Variants in CREBBP observed in about 807,000 individuals in gnomAD.
The protein encoded by CREBBP is CREB binding lysine acetyltransferase.
Under a neutral mutation model 265.0 loss-of-function variants are expected in CREBBP, and 19 were observed. The observed-to-expected ratio is 0.07, with a 90% CI of 0.05 to 0.11. The LOEUF is 0.11. Ranked by LOEUF, CREBBP falls within the 10% of genes least tolerant of loss-of-function variation. The pLI, the probability that CREBBP is intolerant of heterozygous loss-of-function variation, is 1.00. For missense variants in CREBBP, 2,525 were observed against 3,219.0 expected, an observed-to-expected ratio of 0.78 and a Z score of 5.22; for synonymous variants, 1,457 against 1,223.7, an observed-to-expected ratio of 1.19 and a Z score of -3.98.
chr16:3,788,259 C>T (rs1567313910), intron 5 of CREBBP, among the ~76,000 whole-genome samples: 1 of 152,188 alleles, frequency 6.6e-6, no homozygotes, highest in African/African-American at 2.4e-5. Context: ...CCAAGGCATC[C>T]AGAGCAGTGC....
At chr16:3,839,643 T>C (rs1024301694) in intron 2 of CREBBP, among the ~76,000 whole-genome samples, 10 of 139,772 alleles carry the variant, frequency 7.2e-5, no homozygotes, top group Non-Finnish European at 1.2e-4. Context: ...GATCACGCCA[T>C]TGCACTCCCA....
intron 7 of CREBBP, 95 bp downstream of exon 7, chr16:3,781,109 T>C (rs759809058): frequency 2.2e-5 from 28 of 1,271,204 alleles, no homozygotes; most frequent in Non-Finnish European, 3.1e-5. Flanking sequence ...ATTTAAACTA[T>C]TTTCTCTGCC....
At chr16:3,826,463 G>A (rs1031826355) in intron 2 of CREBBP, among the ~76,000 whole-genome samples, 2 of 152,122 alleles carry the variant, frequency 1.3e-5, no homozygotes, top group African/African-American at 2.4e-5. Flanking sequence ...AAACCTGAGA[G>A]GCACGACCTC....
rs542923145 is a variant in CREBBP, at chr16:3,844,629, C to T, written c.798+5668G>A. ...ACAGGGATGCCTAAGAGCATAAACA[C>T]TGGCAAAAAATATTGGCAAGGAGAA... On this transcript the variant is annotated intron_variant, in intron 2 of 30. Coordinates refer to ENST00000262367, the MANE Select transcript of CREBBP (RefSeq NM_004380.3). Among the ~76,000 whole-genome samples, 4 of 152,220 alleles carry T rather than the reference C, an allele frequency of 2.6e-5. No individual in the cohort carries two copies. In the South Asian group the frequency reaches 6.2e-4, roughly 24 times the overall value.
Position 3,736,306 on chromosome 16 carries a change from C to CA in CREBBP, c.4561-104dup. On this transcript the variant is annotated intron_variant, in intron 27 of 30. Transcript: ENST00000262367. ...AAGCGTGCCCCTCACCATGGTGTGG[C>CA]AGAGTCCCATGCATGTGTGCCCCCC... The CA allele has an allele frequency of 3.2e-6, 4 of 1,235,880 alleles. 1 individual carries two copies. In the Admixed American group the frequency reaches 6.9e-5, roughly 21 times the overall value. The allele number at this position is 1,235,880 out of a possible 1,614,324, so 76.6% of individuals were successfully genotyped here.
At chr16:3,854,884 ACATG>A (rs1237719408) in intron 1 of CREBBP, among the ~76,000 whole-genome samples, 1 of 152,258 alleles carries the variant, frequency 6.6e-6, no homozygotes, top group Non-Finnish European at 1.5e-5. Context: ...AGGAGTGTGT[ACATG>A]CATGTAACAG....
At chr16:3,868,454 A>T (rs1464848288) in intron 1 of CREBBP, among the ~76,000 whole-genome samples, 1 of 128,952 alleles carries the variant, frequency 7.8e-6, no homozygotes, top group Admixed American at 7.4e-5. Context: ...TGAAAAAGCT[A>T]ATCTAGACTT....
intron 1 of CREBBP, among the ~76,000 whole-genome samples, chr16:3,876,851 A>G (rs1217027666): frequency 1.3e-5 from 2 of 152,200 alleles, no homozygotes; most frequent in African/African-American, 4.8e-5. Context: ...CATCAGTGGC[A>G]GTGACATTCA....
rs897583090 is a variant in CREBBP, at chr16:3,726,683, G to C, written c.*1035C>G. On this transcript the variant is annotated 3_prime_UTR_variant, in exon 31 of 31. Transcript: ENST00000262367. ...CCTCAGTAATTTATATCAATTTTAA[G>C]CGGTACTTTATATACAATGGGGAAA... 1 of 233,620 alleles carries C rather than the reference G, an allele frequency of 4.3e-6. No individual in the cohort carries two copies. Among genetic ancestry groups the C allele is most frequent in the Non-Finnish European group, 8.5e-6 (1 of 118,046 alleles). The allele number at this position is 233,620 out of a possible 1,614,324, so 14.5% of individuals were successfully genotyped here. A position where few individuals can be genotyped will look rare whatever the true frequency, so the allele number is the denominator to read the frequency against.
intron 1 of CREBBP, among the ~76,000 whole-genome samples, chr16:3,878,110 A>G (rs993159224): frequency 1.3e-5 from 2 of 152,222 alleles, no homozygotes; most frequent in African/African-American, 2.4e-5. Flanking sequence ...TTTTTAAGAC[A>G]AAATCTACAA....
chr16:3,853,333 G>T (rs189685742), intron 1 of CREBBP, among the ~76,000 whole-genome samples: 2 of 152,194 alleles, frequency 1.3e-5, no homozygotes, highest in Non-Finnish European at 2.9e-5. Flanking sequence ...ACATCAGGCC[G>T]GGTGCGGTGG....
At position 3,880,114 on chromosome 16, in the gene CREBBP, C is replaced by A; in HGVS notation, c.-198G>T. 1 of 204,426 alleles carries A rather than the reference C, an allele frequency of 4.9e-6. No individual in the cohort carries two copies. The highest frequency in any genetic ancestry group is 1.1e-4 in the East Asian group (1 of 8,994). The allele number at this position is 204,426 out of a possible 1,614,324, so 12.7% of individuals were successfully genotyped here. A position where few individuals can be genotyped will look rare whatever the true frequency, so the allele number is the denominator to read the frequency against. ...CAAATCTCAGCCACAGCAACAGCGC[C>A]CCGCAGCGCTCACCGCCCGCCCCCG... On this transcript the variant is annotated 5_prime_UTR_variant, in exon 1 of 31. Coordinates refer to ENST00000262367, the MANE Select transcript of CREBBP (RefSeq NM_004380.3).
In CREBBP at chr16:3,729,056, G is replaced by GGGGGCCATCTGGCTCCCC; in HGVS notation, c.5973_5990dup (p.Gly1992_Pro1997dup). On this transcript the variant is annotated inframe_insertion, in exon 31 of 31. Coordinates refer to ENST00000262367, the MANE Select transcript of CREBBP (RefSeq NM_004380.3). ...TGGGTCGGGGCACATTCAGGCTCAC[G>GGGGGCCATCTGGCTCCCC]GGGGCCATCTGGCTCCCCGGGGTCC... 6.3e-7 allele frequency: 1 copy of GGGGGCCATCTGGCTCCCC among 1,585,400 alleles called. No individual in the cohort carries two copies. Among genetic ancestry groups the GGGGGCCATCTGGCTCCCC allele is most frequent in the Non-Finnish European group, 8.5e-7 (1 of 1,171,390 alleles).
intron 1 of CREBBP, among the ~76,000 whole-genome samples, chr16:3,854,131 G>T (rs928864676): frequency 6.6e-6 from 1 of 152,172 alleles, no homozygotes; most frequent in South Asian, 2.1e-4. Context: ...ACGTTCCCTG[G>T]CCACAGGAGG....
intron 2 of CREBBP, among the ~76,000 whole-genome samples, chr16:3,829,291 G>A (rs181244644): frequency 2.6e-5 from 4 of 152,284 alleles, no homozygotes; most frequent in East Asian, 3.9e-4. Context: ...ATCCTCAGAC[G>A]ATTCAGAAGA....
At chr16:3,740,337 A>G (rs2151339443) in intron 24 of CREBBP, 62 bp downstream of exon 24, 2 of 1,597,022 alleles carry the variant, frequency 1.3e-6, no homozygotes, top group Non-Finnish European at 1.7e-6. Flanking sequence ...TGCAGAGAGC[A>G]GGCTCTGGCA....
At chr16:3,768,951 A>G (rs2052930616) in intron 15 of CREBBP, among the ~76,000 whole-genome samples, 1 of 152,250 alleles carries the variant, frequency 6.6e-6, no homozygotes, top group African/African-American at 2.4e-5. Flanking sequence ...AATATAAGCC[A>G]GTATTCTTCA....
chr16:3,804,548 C>T (rs953558069), intron 3 of CREBBP, among the ~76,000 whole-genome samples: 2 of 152,226 alleles, frequency 1.3e-5, no homozygotes, highest in African/African-American at 4.8e-5. Flanking sequence ...GTATTATATT[C>T]GCATTACTGC....
At chr16:3,821,591 AT>A (rs898179799) in intron 2 of CREBBP, among the ~76,000 whole-genome samples, 1 of 151,652 alleles carries the variant, frequency 6.6e-6, no homozygotes, top group African/African-American at 2.4e-5. Flanking sequence ...AAGTCCTAAT[AT>A]TTTTTTTTAG....
Sources: gnomAD v4.1 joint callset for allele counts (sites outside exome capture counted in the v4.1 genomes callset) on GRCh38, gnomAD v4.1.1 for gene constraint, MANE v1.5 for transcripts, NCBI Gene and HGNC (gene_info 2026-07-23, HGNC 2026-07-21) for gene names.